The following WSCD1 variants were observed in gnomAD, a reference collection of about 807,000 sequenced individuals.
WSCD1 encodes the protein WSC domain sialate O sulfotransferase 1.
In WSCD1, 41 loss-of-function variants were observed where a neutral mutation model predicts 60.4. The ratio of observed to expected loss-of-function variants is 0.68; its 90% confidence interval spans 0.53 to 0.88. WSCD1 has a LOEUF of 0.88. WSCD1 is among the 40% of genes least tolerant of loss of function. WSCD1 has a pLI of 0.00. For missense variants in WSCD1, 784 were observed against 796.2 expected, an observed-to-expected ratio of 0.98 and a Z score of 0.18; for synonymous variants, 361 against 332.5, an observed-to-expected ratio of 1.09 and a Z score of -0.93.
chr17:6,078,344 G>A (rs1325003394), intron 1 of WSCD1, among the ~76,000 whole-genome samples: 1 of 152,212 alleles, frequency 6.6e-6, no homozygotes, highest in East Asian at 1.9e-4. Flanking sequence ...GGGATGGTGA[G>A]TGCTGGGCTG....
chr17:6,120,869 G>A lies in WSCD1; in HGVS notation c.*208G>A, dbSNP rs143409660. ...CAAATGGACACACATACCTGGCCAC[G>A]AACCCACACCTCCTCAGACACTCAG... On this transcript the variant is annotated 3_prime_UTR_variant, in exon 9 of 9. Coordinates refer to ENST00000317744, the MANE Select transcript of WSCD1 (RefSeq NM_015253.2). The A allele has an allele frequency of 4.2e-5, 25 of 596,458 alleles. No homozygotes were observed. The highest frequency in any genetic ancestry group is 3.1e-4 in the Admixed American group (10 of 32,548). 36.9% of individuals were successfully genotyped at this position (596,458 alleles called of 1,614,324 possible).
upstream of WSCD1, among the ~76,000 whole-genome samples, chr17:6,070,207 G>A (rs1210337808): frequency 2.1e-5 from 3 of 145,452 alleles, no homozygotes; most frequent in East Asian, 4.1e-4. Flanking sequence ...TCTCTGCTCG[G>A]CAGTGGCGCG....
rs200180772 is a variant in WSCD1 at position 6,080,827 on chromosome 17, G to A, written c.169G>A (p.Val57Met). The A allele has an allele frequency of 1.3e-4, 202 of 1,607,988 alleles. No individual in the cohort carries two copies. In the African/African-American group the frequency reaches 2.4e-3, roughly 19 times the overall value. Residue 57 changes from valine (V) to methionine (M), a missense_variant, in exon 2 of 9, where the codon GTG becomes ATG. By Grantham distance (21) the Val-to-Met change is conservative (BLOSUM62 1). Transcript: ENST00000317744. This position sits in a 1 kb window ranked among gnomAD's most constrained non-coding sequence, Gnocchi z 6.6. Reference sequence around the variant, plus strand: ...ACCCGGCCCCCTGCAGACCTTGCCAGTGGCCGCCGTGGCGCTGGGCGTGGG... The same window carrying A: ...ACCCGGCCCCCTGCAGACCTTGCCAATGGCCGCCGTGGCGCTGGGCGTGGG... The part of the protein sequence containing the change: ...RAPGPLQTLP[V>M]AAVALGVGLL...
At chr17:6,109,877 T>G (rs1911311601) in intron 6 of WSCD1, 111 bp downstream of exon 6, 3 of 1,425,206 alleles carry the variant, frequency 2.1e-6, no homozygotes, top group Admixed American at 2.0e-5. Flanking sequence ...AGGTATGGCA[T>G]GTGTCTGTGT....
intron 5 of WSCD1, among the ~76,000 whole-genome samples, chr17:6,102,113 C>T (rs1379969350): frequency 2.6e-5 from 4 of 152,194 alleles, no homozygotes; most frequent in Admixed American, 6.5e-5. Context: ...AAATTCTTTA[C>T]GCATTAATCA....
chr17:6,103,568 C>T (rs1910925271), intron 5 of WSCD1, among the ~76,000 whole-genome samples: 1 of 152,178 alleles, frequency 6.6e-6, no homozygotes, highest in South Asian at 2.1e-4. Context: ...CCCCTGGAGA[C>T]ATCCCACATC....
intron 1 of WSCD1, among the ~76,000 whole-genome samples, chr17:6,076,714 T>G (rs1413034038): frequency 6.6e-6 from 1 of 152,164 alleles, no homozygotes; most frequent in African/African-American, 2.4e-5. Flanking sequence ...GGCTTTCGGA[T>G]GTAGTGGGTA....
In WSCD1 at chr17:6,116,960, C is replaced by A. The variant is rs530668327; in HGVS notation, c.1175-1028C>A. 1.2e-4 allele frequency among the ~76,000 whole-genome samples: 19 copies of A among 152,320 alleles called. No homozygotes were observed. The South Asian group carries it at 3.7e-3, about 30-fold the overall frequency. On this transcript the variant is annotated intron_variant, in intron 7 of 8. Coordinates refer to ENST00000317744, the MANE Select transcript of WSCD1 (RefSeq NM_015253.2). ...AGGAGACCTCTTCCCAGGAAGTCTT[C>A]TAGGACATCCCACTATTTGGGATCC...
At chr17:6,098,826 G>A (rs1486085713) in intron 5 of WSCD1, among the ~76,000 whole-genome samples, 2 of 152,232 alleles carry the variant, frequency 1.3e-5, no homozygotes, top group African/African-American at 4.8e-5. Flanking sequence ...GGCACAGCCA[G>A]GGGCAGGTGA....
At chr17:6,079,366 G>A (rs1320844894) in intron 1 of WSCD1, among the ~76,000 whole-genome samples, 2 of 152,106 alleles carry the variant, frequency 1.3e-5, no homozygotes, top group South Asian at 2.1e-4. Context: ...CTTTGCTCAC[G>A]CAACAGCCCA....
rs748260054 is a variant in WSCD1 at position 6,080,833 on chromosome 17, G to T, written c.175G>T (p.Ala59Ser). Residue 59 changes from alanine to serine, a missense_variant, in exon 2 of 9, where the codon GCC becomes TCC. Ala to Ser is a moderately conservative substitution (Grantham distance 99). Coordinates refer to ENST00000317744, the MANE Select transcript of WSCD1 (RefSeq NM_015253.2). This position sits in a 1 kb window ranked among gnomAD's most constrained non-coding sequence, Gnocchi z 6.6. ...CCCCCTGCAGACCTTGCCAGTGGCC[G>T]CCGTGGCGCTGGGCGTGGGCTTGCT... ...PGPLQTLPVA[A>S]VALGVGLLDS... is the part of the protein sequence containing the mutation. 2 of 1,607,810 alleles carry T rather than the reference G, an allele frequency of 1.2e-6. No homozygotes were observed. Among genetic ancestry groups the T allele is most frequent in the Non-Finnish European group, 1.7e-6 (2 of 1,178,346 alleles).
rs946034562 is a variant in WSCD1, at chr17:6,101,667, A to C, written c.849+6444A>C. The stretch of plus-strand genomic sequence containing the variant: ...AATTGACCAATGTAATGTGTTTTTA[A>C]AGCCCAGTGAAATGATCTTGTCTAA... On this transcript the variant is annotated intron_variant, in intron 5 of 8. Transcript: ENST00000317744. This position sits in a 1 kb window ranked among gnomAD's most constrained non-coding sequence, Gnocchi z 4.1. 2.6e-5 allele frequency among the ~76,000 whole-genome samples: 4 copies of C among 152,186 alleles called. No individual in the cohort carries two copies. Among genetic ancestry groups the C allele is most frequent in the African/African-American group, 9.7e-5 (4 of 41,440 alleles).
chr17:6,075,925 C>T lies in WSCD1; in HGVS notation c.-288-4446C>T, dbSNP rs1301247447. On this transcript the variant is annotated intron_variant, in intron 1 of 8. Transcript: ENST00000317744. This position sits in a 1 kb window ranked among gnomAD's most constrained non-coding sequence, Gnocchi z 4.1. ...CAGTCCCAGTGGGCTGGGGCGGGAA[C>T]ACTCACGGACAAGGCACTGTCTGGA... 6.9e-6 allele frequency among the ~76,000 whole-genome samples: 1 copy of T among 145,496 alleles called. No individual in the cohort carries two copies. The highest frequency in any genetic ancestry group is 1.5e-5 in the Non-Finnish European group (1 of 67,746).
intron 8 of WSCD1, among the ~76,000 whole-genome samples, chr17:6,119,017 C>G (rs1904474169): frequency 6.6e-6 from 1 of 152,240 alleles, no homozygotes; most frequent in Non-Finnish European, 1.5e-5. Context: ...AGACAGCTGC[C>G]TTCTCACTGT....
At chr17:6,100,487 G>T (rs1046289868) in intron 5 of WSCD1, among the ~76,000 whole-genome samples, 2 of 152,228 alleles carry the variant, frequency 1.3e-5, no homozygotes, top group African/African-American at 4.8e-5. Flanking sequence ...ATTCTCGCTT[G>T]TCTCGCCCGT....
In WSCD1 at chr17:6,090,483, G is replaced by A; in HGVS notation, c.705G>A (p.Glu235=). Residue 235 remains glutamate, a synonymous_variant, in exon 4 of 9, where the codon GAG becomes GAA. Coordinates refer to ENST00000317744, the MANE Select transcript of WSCD1 (RefSeq NM_015253.2). ...GGCTCTCCGTGTACCGTGTGGACGAGCTGCAGCCGGGCTCCAGGAAGCGTG... is the reference window on the plus strand; with the variant it reads ...GGCTCTCCGTGTACCGTGTGGACGAACTGCAGCCGGGCTCCAGGAAGCGTG... ...VDRLSVYRVD[E]LQPGSRKRRT... 6.2e-7 allele frequency: 1 copy of A among 1,612,780 alleles called. No homozygotes were observed. Among genetic ancestry groups the A allele is most frequent in the Non-Finnish European group, 8.5e-7 (1 of 1,179,474 alleles).
rs1904663967 is a variant in WSCD1 at position 6,121,020 on chromosome 17, C to T, written c.*359C>T. ...ACACACAGGTGCCAGGCCGTGTGCTCCTGGAGGCTGGCTGGCTGTCTCTCT... is the reference window on the plus strand; with the variant it reads ...ACACACAGGTGCCAGGCCGTGTGCTTCTGGAGGCTGGCTGGCTGTCTCTCT... On this transcript the variant is annotated 3_prime_UTR_variant, in exon 9 of 9. Transcript: ENST00000317744. 1 of 264,410 alleles carries T rather than the reference C, an allele frequency of 3.8e-6. No homozygotes were observed. Among genetic ancestry groups the T allele is most frequent in the East Asian group, 9.0e-5 (1 of 11,076 alleles). The allele number at this position is 264,410 out of a possible 1,614,324, so 16.4% of individuals were successfully genotyped here. A position where few individuals can be genotyped will look rare whatever the true frequency, so the allele number is the denominator to read the frequency against.
At chr17:6,082,702 T>C (rs1413514872) in intron 2 of WSCD1, among the ~76,000 whole-genome samples, 1 of 152,068 alleles carries the variant, frequency 6.6e-6, no homozygotes, top group East Asian at 1.9e-4. Context: ...GAGGAACTGC[T>C]CTCTGGACTG....
At chr17:6,112,829 A>G (rs1275635053) in intron 7 of WSCD1, among the ~76,000 whole-genome samples, 1 of 152,226 alleles carries the variant, frequency 6.6e-6, no homozygotes, top group Non-Finnish European at 1.5e-5. Flanking sequence ...TCCCATATTT[A>G]TGGATTGGAA....
Sources: gnomAD v4.1 joint callset for allele counts (sites outside exome capture counted in the v4.1 genomes callset) on GRCh38, gnomAD v4.1.1 for gene constraint, Gnocchi (gnomAD v3.1) non-coding constraint, MANE v1.5 for transcripts, NCBI Gene and HGNC (gene_info 2026-07-23, HGNC 2026-07-21) for gene names.